The following NCALD variants were observed in gnomAD, a reference collection of about 807,000 sequenced individuals.
The protein encoded by NCALD is neurocalcin delta.
A neutral mutation model predicts 18.6 loss-of-function variants in NCALD; 10 were observed. The ratio of observed to expected loss-of-function variants is 0.54; its 90% CI spans 0.33 to 0.91. The LOEUF is 0.91. Among genes scored for constraint, NCALD ranks in the 40% least tolerant of loss-of-function variants. The probability of loss-of-function intolerance (pLI) is 0.03; values close to 1 mark genes in which losing one functional copy is unlikely to be tolerated. For synonymous variants in NCALD, 88 were observed against 87.4 expected (o/e 1.01, Z -0.04); for missense variants, 184 against 247.6 (o/e 0.74, Z 1.72).
At chr8:101,848,662 A>G (rs1814969608) in intron 4 of NCALD, among the ~76,000 whole-genome samples, 1 of 152,176 alleles carries the variant, frequency 6.6e-6, no homozygotes, top group Non-Finnish European at 1.5e-5. Flanking sequence ...TCTCTAACTC[A>G]GTGCCTTCTC....
chr8:101,906,354 CT>C (rs1452808425), intron 3 of NCALD, among the ~76,000 whole-genome samples: 1 of 152,160 alleles, frequency 6.6e-6, no homozygotes. Context: ...CTTTAATAAC[CT>C]AAATCAGAAG....
chr8:101,702,159 A>AT (rs2130154603), intron 2 of NCALD, among the ~76,000 whole-genome samples: 1 of 151,934 alleles, frequency 6.6e-6, no homozygotes, highest in Non-Finnish European at 1.5e-5. Flanking sequence ...AAACAAAACC[A>AT]TTTTTGCTGC....
chr8:101,816,260 G>A (rs1362918403), intron 4 of NCALD, among the ~76,000 whole-genome samples: 1 of 152,072 alleles, frequency 6.6e-6, no homozygotes, highest in East Asian at 1.9e-4. Flanking sequence ...GGATTATTTT[G>A]AGAAAAACAC....
At chr8:102,117,728 A>G (rs1203528432) in intron 1 of NCALD, among the ~76,000 whole-genome samples, 1 of 152,244 alleles carries the variant, frequency 6.6e-6, no homozygotes, top group Non-Finnish European at 1.5e-5. Context: ...AAACACAATG[A>G]ATCAAGTATG....
intron 2 of NCALD, among the ~76,000 whole-genome samples, chr8:101,944,546 C>T (rs1819094629): frequency 6.6e-6 from 1 of 152,198 alleles, no homozygotes; most frequent in Non-Finnish European, 1.5e-5. Flanking sequence ...CACATGCTGG[C>T]TTTTCTCCTG....
At chr8:101,771,776 G>T (rs1811593897) in intron 1 of NCALD, among the ~76,000 whole-genome samples, 1 of 152,174 alleles carries the variant, frequency 6.6e-6, no homozygotes, top group African/African-American at 2.4e-5. Context: ...ATACAAAATA[G>T]CCTAAGAAAA....
intron 1 of NCALD, among the ~76,000 whole-genome samples, chr8:102,050,245 G>A (rs2132217709): frequency 6.7e-6 from 1 of 148,282 alleles, no homozygotes; most frequent in Non-Finnish European, 1.5e-5. Flanking sequence ...GTAGATTTTG[G>A]ATATGAGTCC....
intron 1 of NCALD, among the ~76,000 whole-genome samples, chr8:101,727,548 C>T (rs916113529): frequency 2.0e-5 from 3 of 152,166 alleles, no homozygotes; most frequent in Non-Finnish European, 4.4e-5. Context: ...GATTGTGGTG[C>T]ACTAGCATGC....
intron 1 of NCALD, among the ~76,000 whole-genome samples, chr8:102,089,901 A>G (rs1824867987): frequency 6.6e-6 from 1 of 152,230 alleles, no homozygotes; most frequent in Non-Finnish European, 1.5e-5. Context: ...CTAAAAGCAC[A>G]ACAGGTTTTC....
chr8:102,063,090 A>G (rs1823899291), intron 1 of NCALD, among the ~76,000 whole-genome samples: 1 of 152,256 alleles, frequency 6.6e-6, no homozygotes, highest in South Asian at 2.1e-4. Context: ...AAATGAATGC[A>G]CTAATTAAAC....
intron 1 of NCALD, among the ~76,000 whole-genome samples, chr8:101,769,894 C>A (rs1811512539): frequency 6.6e-6 from 1 of 152,122 alleles, no homozygotes; most frequent in African/African-American, 2.4e-5. Flanking sequence ...GACTCTGGAT[C>A]AATGCTGGCC....
chr8:101,804,551 T>TGATTATATAATATATAACAAA (rs1813012730), intron 4 of NCALD, among the ~76,000 whole-genome samples: 2 of 119,830 alleles, frequency 1.7e-5, no homozygotes, highest in Non-Finnish European at 3.2e-5. Context: ...TTAATATAAT[T>TGATTATATAATATATAACAAA]GATTATATAA....
intron 2 of NCALD, among the ~76,000 whole-genome samples, chr8:101,930,684 T>G (rs918852871): frequency 2.0e-5 from 3 of 152,098 alleles, no homozygotes; most frequent in African/African-American, 7.2e-5. Flanking sequence ...CAATGGAAAC[T>G]GCAGCAGAAT....
chr8:101,826,554 G>T (rs182068513), intron 4 of NCALD, among the ~76,000 whole-genome samples: 1 of 152,292 alleles, frequency 6.6e-6, no homozygotes, highest in East Asian at 1.9e-4. Flanking sequence ...CCAGATAAAA[G>T]CTTGCTCTCA....
At chr8:101,996,347 C>T (rs1359826160) in intron 2 of NCALD, among the ~76,000 whole-genome samples, 1 of 152,172 alleles carries the variant, frequency 6.6e-6, no homozygotes, top group African/African-American at 2.4e-5. Flanking sequence ...AGTCTTGTTG[C>T]TGGGCACTTC....
chr8:101,872,407 T>A, intron 4 of NCALD: 1 of 1,412,776 alleles, frequency 7.1e-7, no homozygotes, highest in Non-Finnish European at 1.0e-6. Flanking sequence ...CATATCTTCG[T>A]ATGTTGTCAC....
intron 1 of NCALD, among the ~76,000 whole-genome samples, chr8:102,121,257 A>G (rs1825936846): frequency 6.6e-6 from 1 of 151,822 alleles, no homozygotes; most frequent in Non-Finnish European, 1.5e-5. Context: ...TAAAAATATA[A>G]AGCTCATTCT....
At chr8:102,055,966 ATGT>A (rs1406931866) in intron 1 of NCALD, among the ~76,000 whole-genome samples, 2 of 152,334 alleles carry the variant, frequency 1.3e-5, no homozygotes, top group East Asian at 3.9e-4. Context: ...ACTGAGAGGT[ATGT>A]TTCATTACAT....
chr8:101,882,337 C>T (rs558414222), intron 4 of NCALD, among the ~76,000 whole-genome samples: 2 of 152,172 alleles, frequency 1.3e-5, no homozygotes, highest in East Asian at 3.9e-4. Context: ...CTGATTAGGA[C>T]ATGAAGGTGG....
Sources: gnomAD v4.1 joint callset for allele counts (sites outside exome capture counted in the v4.1 genomes callset) on GRCh38, gnomAD v4.1.1 for gene constraint, MANE v1.5 for transcripts, NCBI Gene and HGNC (gene_info 2026-07-23, HGNC 2026-07-21) for gene names.